The following THAP10 variants were observed in gnomAD, a reference collection of about 807,000 sequenced individuals.
THAP10 encodes the protein THAP domain-containing protein 10.
In THAP10, 10 loss-of-function variants were observed where a neutral mutation model predicts 15.7. The ratio of observed to expected loss-of-function variants is 0.64; its 90% CI spans 0.39 to 1.08. The LOEUF is 1.08. Ranked by LOEUF, THAP10 falls within the 50% of genes least tolerant of loss-of-function variation. THAP10 has a pLI of 0.01. For missense variants in THAP10, 310 were observed against 330.9 expected (o/e 0.94, Z 0.49); for synonymous variants, 127 against 129.1 (o/e 0.98, Z 0.11).
At position 70,892,118 on chromosome 15, in the gene THAP10, AC is replaced by A. The variant is rs2033602326; in HGVS notation, c.154del (p.Val52SerfsTer28). ...ADWYGGNDRS[V>X]ICSDHFAPAC... ...TGGGGCAAAGTGGTCAGAGCAGATGACCGAGCGGTCATTGCCTCCGTACCAG... is the reference window on the plus strand; with the variant it reads ...TGGGGCAAAGTGGTCAGAGCAGATGACGAGCGGTCATTGCCTCCGTACCAG... On this transcript the variant is annotated frameshift_variant, in exon 1 of 3. Coordinates refer to ENST00000249861, the MANE Select transcript of THAP10 (RefSeq NM_020147.4). LOFTEE classifies it high-confidence loss of function. 1.2e-6 allele frequency: 2 copies of A among 1,613,956 alleles called. No individual in the cohort carries two copies. Among genetic ancestry groups the A allele is most frequent in the Non-Finnish European group, 1.7e-6 (2 of 1,179,940 alleles).
At chr15:70,883,995 G>A (rs2033336470) in intron 1 of THAP10, among the ~76,000 whole-genome samples, 1 of 152,082 alleles carries the variant, frequency 6.6e-6, no homozygotes, top group Non-Finnish European at 1.5e-5. Flanking sequence ...TGGGTGAGAG[G>A]TAGAAAGAAG....
chr15:70,892,098 C>T lies in THAP10; in HGVS notation c.175G>A (p.Ala59Thr). ...GAAGAGACGTCAAAACAGGCTGGGG[C>T]AAAGTGGTCAGAGCAGATGACCGAG... ...DRSVICSDHF[A>T]PACFDVSSVI... The change falls in exon 1 of 3, where the codon GCC becomes ACC. Residue 59 changes from alanine to threonine, a missense_variant. By Grantham distance (58) the Ala-to-Thr change is moderately conservative. Coordinates refer to ENST00000249861, the MANE Select transcript of THAP10 (RefSeq NM_020147.4). 1 of 1,614,024 alleles carries T rather than the reference C, an allele frequency of 6.2e-7. No homozygotes were observed. The highest frequency in any genetic ancestry group is 1.3e-5 in the African/African-American group (1 of 75,052).
At chr15:70,889,549 G>C (rs941682239) in intron 1 of THAP10, among the ~76,000 whole-genome samples, 2 of 152,062 alleles carry the variant, frequency 1.3e-5, no homozygotes, top group Admixed American at 6.5e-5. Context: ...CTGTGTATTT[G>C]CTATAGTTCA....
Position 70,891,967 on chromosome 15 carries a change from C to G in THAP10, c.306G>C (p.Glu102Asp), listed in dbSNP as rs1387863768. The change falls in exon 1 of 3, where the codon GAG becomes GAC. Residue 102 changes from glutamate to aspartate, a missense_variant. Physicochemically the swap from Glu to Asp is conservative, Grantham distance 45. Coordinates refer to ENST00000249861, the MANE Select transcript of THAP10 (RefSeq NM_020147.4). ...TGTCCAGGCGGCCTGCTTGGTCTCC[C>G]TCCTCTCCCCTCTTAGGTGCCGGGG... ...VPAPAPKRGE[E>D]GDQAGRLDTR... The G allele has an allele frequency of 4.3e-6, 7 of 1,613,422 alleles. No individual in the cohort carries two copies. The Admixed American group carries it at 1.2e-4, about 27-fold the overall frequency.
rs370010041 is a variant in THAP10, at chr15:70,886,591, G to T, written c.430-3683C>A. On this transcript the variant is annotated intron_variant, in intron 1 of 2. Coordinates refer to ENST00000249861, the MANE Select transcript of THAP10 (RefSeq NM_020147.4). ...CTAATAAAAATTGATAAACCGGTGGGGTGCGGTGGCTCACGCCTGTAATCC... is the reference window on the plus strand; with the variant it reads ...CTAATAAAAATTGATAAACCGGTGGTGTGCGGTGGCTCACGCCTGTAATCC... Among the ~76,000 whole-genome samples, 47 of 152,260 alleles carry T rather than the reference G, an allele frequency of 3.1e-4. 1 individual carries two copies. Among genetic ancestry groups the T allele is most frequent in the African/African-American group, 1.1e-3 (45 of 41,546 alleles).
intron 1 of THAP10, 54 bp from the exon 2 acceptor site, chr15:70,882,962 A>G (rs2033304527): frequency 1.3e-6 from 2 of 1,576,600 alleles, no homozygotes; most frequent in Non-Finnish European, 1.7e-6. Flanking sequence ...ATAGGATTTT[A>G]TCTTTCAAAA....
At position 70,882,270 on chromosome 15, in the gene THAP10, G is replaced by T; in HGVS notation, c.*184C>A. ...GTGAAAGTAGAGAATAGGGATGTTT[G>T]TGGGTAGGTATTATCTTCATTGTGT... On this transcript the variant is annotated 3_prime_UTR_variant, in exon 3 of 3. Coordinates refer to ENST00000249861, the MANE Select transcript of THAP10 (RefSeq NM_020147.4). 1 of 514,678 alleles carries T rather than the reference G, an allele frequency of 1.9e-6. No homozygotes were observed. Among genetic ancestry groups the T allele is most frequent in the Non-Finnish European group, 3.4e-6 (1 of 294,702 alleles). The allele number at this position is 514,678 out of a possible 1,614,324, so 31.9% of individuals were successfully genotyped here.
intron 1 of THAP10, among the ~76,000 whole-genome samples, chr15:70,885,142 T>G (rs896795124): frequency 6.6e-6 from 1 of 152,096 alleles, no homozygotes; most frequent in African/African-American, 2.4e-5. Flanking sequence ...ATTAAAAGCT[T>G]AGAGGCAGAA....
At position 70,892,169 on chromosome 15, in the gene THAP10, C is replaced by T. The variant is rs560972205; in HGVS notation, c.104G>A (p.Arg35His). ...KDRAVRLLWD[R>H]FVRGCRADWY... ...GTCGGCGCGGCAACCCCGCACGAAG[C>T]GGTCCCAGAGCAGCCGCACGGCCCG... Residue 35 changes from arginine to histidine, a missense_variant, in exon 1 of 3, where the codon CGC becomes CAC. By Grantham distance (29) the Arg-to-His change is conservative. Transcript: ENST00000249861. The T allele has an allele frequency of 2.5e-6, 4 of 1,611,928 alleles. No homozygotes were observed. The South Asian group carries it at 4.4e-5, about 18-fold the overall frequency.
rs2033266942 is a variant in THAP10 at position 70,881,664 on chromosome 15, A to G, written c.*790T>C. The G allele has an allele frequency of 6.6e-6, 1 of 152,326 alleles. No homozygotes were observed. Among genetic ancestry groups the G allele is most frequent in the Admixed American group, 6.5e-5 (1 of 15,288 alleles). The allele number at this position is 152,326 out of a possible 1,614,324, so 9.4% of individuals were successfully genotyped here. A position where few individuals can be genotyped will look rare whatever the true frequency, so the allele number is the denominator to read the frequency against. ...TGCTTATTTCTCAAATGTAGAATTC[A>G]AAAGAGAGGTGTTGACAGAAAAAAT... On this transcript the variant is annotated 3_prime_UTR_variant, in exon 3 of 3. Transcript: ENST00000249861.
chr15:70,886,759 G>A (rs1427683677), intron 1 of THAP10, among the ~76,000 whole-genome samples: 3 of 151,996 alleles, frequency 2.0e-5, no homozygotes, highest in East Asian at 1.9e-4. Context: ...CCAGCTACTC[G>A]GGAGGCTGAG....
chr15:70,889,193 C>A (rs1245086067), intron 1 of THAP10, among the ~76,000 whole-genome samples: 1 of 152,004 alleles, frequency 6.6e-6, no homozygotes, highest in East Asian at 1.9e-4. Context: ...AAATGTTCAA[C>A]AATAGACAGA....
intron 1 of THAP10, 97 bp downstream of exon 1, chr15:70,891,747 C>A: frequency 8.6e-7 from 1 of 1,158,148 alleles, no homozygotes; most frequent in Non-Finnish European, 1.2e-6. Context: ...AAAACAGGAA[C>A]TTTCGAGATG....
chr15:70,891,236 C>G (rs1325006960), intron 1 of THAP10, among the ~76,000 whole-genome samples: 1 of 152,072 alleles, frequency 6.6e-6, no homozygotes, highest in African/African-American at 2.4e-5. Context: ...TTAGAAGGAA[C>G]AGAAAAGTAG....
intron 1 of THAP10, among the ~76,000 whole-genome samples, chr15:70,891,587 G>C (rs1053583187): frequency 7.3e-6 from 1 of 137,024 alleles, no homozygotes; most frequent in Non-Finnish European, 1.6e-5. Flanking sequence ...GTGTGTGTGT[G>C]TGTGTGTGTG....
intron 1 of THAP10, among the ~76,000 whole-genome samples, chr15:70,891,232 G>A (rs968656411): frequency 6.6e-6 from 1 of 152,138 alleles, no homozygotes; most frequent in African/African-American, 2.4e-5. Flanking sequence ...ATGTTTAGAA[G>A]GAACAGAAAA....
rs767806291 is a variant in THAP10, at chr15:70,891,895, ACCTGGGGCAG to A, written c.368_377del (p.Ala123ValfsTer59). 1.4e-5 allele frequency: 22 copies of A among 1,612,830 alleles called. No individual in the cohort carries two copies. The highest frequency in any genetic ancestry group is 1.7e-6 in the Non-Finnish European group (2 of 1,179,746). ...CTCGGGGGCGTGTACAGGAGACTGG[ACCTGGGGCAG>A]CCTCAGAATGCCTGGCTGCCTGGAG... On this transcript the variant is annotated frameshift_variant, in exon 1 of 3. Coordinates refer to ENST00000249861, the MANE Select transcript of THAP10 (RefSeq NM_020147.4). LOFTEE classifies it high-confidence loss of function.
intron 1 of THAP10, among the ~76,000 whole-genome samples, 182 bp downstream of exon 1, chr15:70,891,662 T>C (rs944504195): frequency 1.3e-5 from 2 of 150,508 alleles, no homozygotes; most frequent in Non-Finnish European, 2.9e-5. Context: ...ACTGGGTCAC[T>C]TAATTCCAAA....
intron 1 of THAP10, among the ~76,000 whole-genome samples, chr15:70,891,034 G>C (rs1567037279): frequency 6.6e-6 from 1 of 152,204 alleles, no homozygotes; most frequent in African/African-American, 2.4e-5. Context: ...CAGAAAGAGT[G>C]TTGGTCTGGC....
Sources: allele counts gnomAD v4.1 joint callset (sites outside exome capture counted in the v4.1 genomes callset), GRCh38; gene constraint gnomAD v4.1.1; transcripts MANE v1.5; gene names NCBI Gene and HGNC (gene_info 2026-07-23, HGNC 2026-07-21).